Variants in PLEKHD1 observed in about 807,000 individuals in gnomAD.
PLEKHD1 encodes the protein pleckstrin homology domain-containing family D member 1.
Under a neutral mutation model 69.2 loss-of-function variants are expected in PLEKHD1, and 51 were observed. That is an observed-to-expected ratio of 0.74 (90% confidence interval 0.59 to 0.93). The LOEUF (loss-of-function observed/expected upper bound fraction) is 0.93. Among genes scored for constraint, PLEKHD1 ranks in the 40% least tolerant of loss-of-function variants. The probability of loss-of-function intolerance (pLI) is 0.00; values close to 1 mark genes in which losing one functional copy is unlikely to be tolerated. For missense variants in PLEKHD1, 584 were observed against 641.0 expected, an observed-to-expected ratio of 0.91 and a Z score of 0.96; for synonymous variants, 236 against 244.7, an observed-to-expected ratio of 0.96 and a Z score of 0.33.
At position 69,531,232 on chromosome 14, in the gene PLEKHD1, G is replaced by A. The variant is rs1324173372; in HGVS notation, c.*2813G>A. The A allele has an allele frequency of 2.6e-5, 4 of 152,260 alleles. No individual in the cohort carries two copies. Among genetic ancestry groups the A allele is most frequent in the Non-Finnish European group, 5.9e-5 (4 of 68,036 alleles). The allele number at this position is 152,260 out of a possible 1,614,324, so 9.4% of individuals were successfully genotyped here. On this transcript the variant is annotated 3_prime_UTR_variant, in exon 13 of 13. Coordinates refer to ENST00000322564, the MANE Select transcript of PLEKHD1 (RefSeq NM_001161498.2). ...GTAATTAAATTTCAGTGTGAGTTTG[G>A]GAGGGAACAAACATTCAAACTGTAG...
upstream of PLEKHD1, among the ~76,000 whole-genome samples, chr14:69,483,559 A>G (rs1566934355): frequency 6.6e-6 from 1 of 152,194 alleles, no homozygotes; most frequent in Admixed American, 6.5e-5. Flanking sequence ...GTGGGGTTAC[A>G]TCTTATATAC....
At chr14:69,478,029 C>T in the PLEKHD1 span, among the ~76,000 whole-genome samples, 1 of 152,240 alleles carries the variant, frequency 6.6e-6, no homozygotes, top group South Asian at 2.1e-4. Context: ...GAACCCTGCC[C>T]CTGCAGCAAA....
intron 1 of PLEKHD1, among the ~76,000 whole-genome samples, 182 bp from the exon 2 acceptor site, chr14:69,499,933 G>C (rs921710102): frequency 3.3e-5 from 5 of 152,118 alleles, no homozygotes; most frequent in Admixed American, 6.5e-5. Context: ...GCTGCCTGTG[G>C]GGACGTCACT....
the PLEKHD1 span, among the ~76,000 whole-genome samples, chr14:69,470,840 C>T: frequency 6.6e-6 from 1 of 151,256 alleles, no homozygotes; most frequent in African/African-American, 2.5e-5. Context: ...GATCTTGGCT[C>T]ACTGCAAGCT....
intron 1 of PLEKHD1, among the ~76,000 whole-genome samples, chr14:69,488,914 CT>C (rs1340636708): frequency 6.6e-6 from 1 of 152,178 alleles, no homozygotes; most frequent in African/African-American, 2.4e-5. Flanking sequence ...ACCCTCTTCC[CT>C]TTCTGTGCTG....
the PLEKHD1 span, among the ~76,000 whole-genome samples, chr14:69,474,240 T>G: frequency 6.6e-6 from 1 of 152,222 alleles, no homozygotes; most frequent in Non-Finnish European, 1.5e-5. Flanking sequence ...CTCAGAAAGT[T>G]TGGTTCCCTT....
chr14:69,479,439 A>C, the PLEKHD1 span, among the ~76,000 whole-genome samples: 1 of 152,046 alleles, frequency 6.6e-6, no homozygotes, highest in Non-Finnish European at 1.5e-5. Flanking sequence ...GATGGTGGGG[A>C]GCTGGATTAT....
At chr14:69,499,479 C>G (rs1566557709) in intron 1 of PLEKHD1, among the ~76,000 whole-genome samples, 2 of 152,168 alleles carry the variant, frequency 1.3e-5, no homozygotes, top group Non-Finnish European at 2.9e-5. Context: ...GGGGCAGGTC[C>G]AAATGCTCCA....
chr14:69,526,046 G>A lies in PLEKHD1; in HGVS notation c.847G>A (p.Gly283Ser), dbSNP rs1484628237. ...NQSEQPPPSGGLHSNLRQIEE... is the reference protein window; with the variant it reads ...NQSEQPPPSGSLHSNLRQIEE... ...GAGTGAGCAGCCCCCTCCCAGTGGG[G>A]GCCTCCATAGCAACCTCCGGCAGAT... is the stretch of plus-strand genomic sequence containing the variant. The change falls in exon 9 of 13, where the codon GGC becomes AGC. Residue 283 changes from glycine (G) to serine (S), a missense_variant. Transcript: ENST00000322564. The A allele has an allele frequency of 6.4e-7, 1 of 1,551,620 alleles. No individual in the cohort carries two copies. The highest frequency in any genetic ancestry group is 2.0e-5 in the Admixed American group (1 of 50,994).
the PLEKHD1 span, among the ~76,000 whole-genome samples, chr14:69,471,171 G>A: frequency 2.4e-5 from 3 of 127,072 alleles, no homozygotes; most frequent in Non-Finnish European, 3.1e-5. Context: ...GCAGTGGTAC[G>A]ATCATGGCTC....
chr14:69,472,876 C>A, the PLEKHD1 span, among the ~76,000 whole-genome samples: 1 of 152,294 alleles, frequency 6.6e-6, no homozygotes, highest in African/African-American at 2.4e-5. Flanking sequence ...GGTGAAGAAG[C>A]ATTACCACCT....
chr14:69,512,920 G>C (rs536906383), intron 6 of PLEKHD1, among the ~76,000 whole-genome samples: 1 of 151,908 alleles, frequency 6.6e-6, no homozygotes, highest in East Asian at 1.9e-4. Flanking sequence ...AAGAGAGAGA[G>C]AGAAAGAAAA....
rs140200641 is a variant in PLEKHD1 at position 69,526,037 on chromosome 14, C to G, written c.838C>G (p.Pro280Ala). 3.2e-5 allele frequency: 49 copies of G among 1,551,682 alleles called. No homozygotes were observed. In the African/African-American group the frequency reaches 5.6e-4, roughly 18 times the overall value. Residue 280 changes from proline (P) to alanine (A), a missense_variant, in exon 9 of 13, where the codon CCC (proline) becomes GCC (alanine). Coordinates refer to ENST00000322564, the MANE Select transcript of PLEKHD1 (RefSeq NM_001161498.2). Reference protein sequence around the residue: ...TLANQSEQPPPSGGLHSNLRQ... With the variant: ...TLANQSEQPPASGGLHSNLRQ... The stretch of plus-strand genomic sequence containing the variant: ...GGCCAATCAGAGTGAGCAGCCCCCT[C>G]CCAGTGGGGGCCTCCATAGCAACCT...
intron 6 of PLEKHD1, among the ~76,000 whole-genome samples, chr14:69,506,076 T>C (rs575026068): frequency 6.0e-4 from 92 of 152,290 alleles, no homozygotes; most frequent in African/African-American, 2.1e-3. Flanking sequence ...ACAGACTCTT[T>C]GAGTTGGAAA....
chr14:69,512,275 C>A (rs1194257182), intron 6 of PLEKHD1, among the ~76,000 whole-genome samples: 2 of 151,884 alleles, frequency 1.3e-5, no homozygotes, highest in Non-Finnish European at 2.9e-5. Flanking sequence ...TAATTTGTGT[C>A]TTCTTTCTTT....
chr14:69,499,237 A>G (rs1882966773), intron 1 of PLEKHD1, among the ~76,000 whole-genome samples: 1 of 105,456 alleles, frequency 9.5e-6, no homozygotes, highest in Non-Finnish European at 2.2e-5. Context: ...ACACACACAC[A>G]CACACACACA....
intron 8 of PLEKHD1, among the ~76,000 whole-genome samples, chr14:69,525,592 T>C (rs1423075309): frequency 6.6e-6 from 1 of 152,130 alleles, no homozygotes; most frequent in Non-Finnish European, 1.5e-5. Context: ...AGCATCTAAA[T>C]ATGCTCTTGG....
intron 6 of PLEKHD1, among the ~76,000 whole-genome samples, chr14:69,510,219 A>C (rs951716860): frequency 1.3e-5 from 2 of 152,154 alleles, no homozygotes; most frequent in African/African-American, 2.4e-5. Flanking sequence ...TCAATTTGTC[A>C]GTTTCCACAA....
At chr14:69,525,547 A>G (rs150853839) in intron 8 of PLEKHD1, among the ~76,000 whole-genome samples, 150 of 152,200 alleles carry the variant, frequency 9.9e-4, no homozygotes, top group South Asian at 9.3e-3. Context: ...CAGTGGTGCA[A>G]TCATAGCTCA....
Sources: gnomAD v4.1 joint callset for allele counts (sites outside exome capture counted in the v4.1 genomes callset) on GRCh38, gnomAD v4.1.1 for gene constraint, MANE v1.5 for transcripts, NCBI Gene and HGNC (gene_info 2026-07-23, HGNC 2026-07-21) for gene names.